The following OSBPL8 variants were observed in gnomAD, a reference collection of about 807,000 sequenced individuals.
OSBPL8 encodes the protein oxysterol binding protein like 8.
OSBPL8 carries 59 observed loss-of-function variants against 125.5 expected under a neutral mutation model. The ratio of observed to expected loss-of-function variants is 0.47; its 90% confidence interval spans 0.38 to 0.58. The LOEUF is 0.58. Ranked by LOEUF, OSBPL8 falls within the 20% of genes least tolerant of loss-of-function variation. The probability of loss-of-function intolerance (pLI) is 0.00; values close to 1 mark genes in which losing one functional copy is unlikely to be tolerated. For missense variants in OSBPL8, 758 were observed against 1,047.8 expected (o/e 0.72, Z 3.82); for synonymous variants, 330 against 338.9 (o/e 0.97, Z 0.29).
At chr12:76,502,682 G>A (rs1592802990) in intron 1 of OSBPL8, among the ~76,000 whole-genome samples, 2 of 152,330 alleles carry the variant, frequency 1.3e-5, no homozygotes, top group Middle Eastern at 3.4e-3. Context: ...GACAGGACTA[G>A]TAATCGCCTA....
At chr12:76,458,193 G>C (rs1874292056) in intron 3 of OSBPL8, among the ~76,000 whole-genome samples, 1 of 152,120 alleles carries the variant, frequency 6.6e-6, no homozygotes, top group Non-Finnish European at 1.5e-5. Context: ...GATCGCTTGA[G>C]TCTAGGAGAA....
At chr12:76,389,582 C>T in intron 12 of OSBPL8, 63 bp downstream of exon 12, 1 of 1,258,524 alleles carries the variant, frequency 7.9e-7, no homozygotes. Flanking sequence ...TTGAAAATAG[C>T]ATTCTTGAGA....
intron 3 of OSBPL8, among the ~76,000 whole-genome samples, chr12:76,453,954 C>T (rs990500817): frequency 2.0e-5 from 3 of 152,078 alleles, no homozygotes; most frequent in African/African-American, 7.2e-5. Context: ...AGATGTTCAT[C>T]CTTTTTTAGT....
intron 2 of OSBPL8, 123 bp from the exon 3 acceptor site, chr12:76,460,018 A>G (rs1874525708): frequency 4.6e-6 from 4 of 865,344 alleles, no homozygotes; most frequent in South Asian, 2.8e-5. Flanking sequence ...GTTTATAAGT[A>G]GAAAGCACAT....
chr12:76,472,117 T>TCAAGTCCTGACTC (rs1252036802), intron 2 of OSBPL8, among the ~76,000 whole-genome samples: 30 of 152,332 alleles, frequency 2.0e-4, no homozygotes, highest in African/African-American at 7.0e-4. Flanking sequence ...AGGCCTGAGT[T>TCAAGTCCTGACTC]CAAGTCCTGA....
intron 4 of OSBPL8, among the ~76,000 whole-genome samples, chr12:76,436,348 T>G (rs1871441579): frequency 6.6e-6 from 1 of 152,152 alleles, no homozygotes; most frequent in Non-Finnish European, 1.5e-5. Flanking sequence ...GTTCATTACT[T>G]CATCTAAAAA....
chr12:76,534,344 T>C (rs909519100), intron 1 of OSBPL8: 5 of 152,172 alleles, frequency 3.3e-5, no homozygotes, highest in African/African-American at 1.2e-4. Context: ...TGTTACAATT[T>C]CATTTCCTGT....
chr12:76,392,510 G>T, intron 10 of OSBPL8, 71 bp downstream of exon 10: 1 of 1,416,068 alleles, frequency 7.1e-7, no homozygotes, highest in South Asian at 1.5e-5. Flanking sequence ...TAAAATTCTA[G>T]GCCTGCCAAC....
chr12:76,457,523 C>A (rs940351425), intron 3 of OSBPL8, among the ~76,000 whole-genome samples: 1 of 151,966 alleles, frequency 6.6e-6, no homozygotes, highest in Non-Finnish European at 1.5e-5. Flanking sequence ...GAAAAATTTT[C>A]CAATATATTT....
intron 2 of OSBPL8, among the ~76,000 whole-genome samples, chr12:76,484,206 T>C (rs566475534): frequency 2.6e-4 from 39 of 152,336 alleles, no homozygotes; most frequent in Non-Finnish European, 4.4e-4. Flanking sequence ...TTACTAATTA[T>C]ACCCTGAATA....
chr12:76,369,182 A>ATACCTAGTG, intron 21 of OSBPL8, 32 bp downstream of exon 21: 1 of 1,587,546 alleles, frequency 6.3e-7, no homozygotes, highest in Non-Finnish European at 8.5e-7. Context: ...ACAGATTTAT[A>ATACCTAGTG]TACCTAGTGT....
intron 1 of OSBPL8, among the ~76,000 whole-genome samples, chr12:76,555,240 C>T (rs895306362): frequency 4.6e-5 from 7 of 152,018 alleles, no homozygotes; most frequent in African/African-American, 1.7e-4. Context: ...TCTTCAAAAA[C>T]AAATTACGTA....
At chr12:76,513,953 T>C (rs190130466) in intron 1 of OSBPL8, among the ~76,000 whole-genome samples, 16 of 152,136 alleles carry the variant, frequency 1.1e-4, no homozygotes, top group Admixed American at 9.8e-4. Context: ...TTTGATCCTG[T>C]CATTGTGTTG....
intron 1 of OSBPL8, among the ~76,000 whole-genome samples, chr12:76,533,117 T>C (rs1950393301): frequency 3.3e-5 from 5 of 152,146 alleles, no homozygotes; most frequent in Admixed American, 3.3e-4. Flanking sequence ...AAAAGTAAAA[T>C]CAATGTCAGA....
At chr12:76,409,387 T>C (rs963808421) in intron 5 of OSBPL8, among the ~76,000 whole-genome samples, 3 of 152,204 alleles carry the variant, frequency 2.0e-5, no homozygotes, top group Admixed American at 6.5e-5. Flanking sequence ...TCAACCTTTG[T>C]CCAATCATAC....
chr12:76,531,211 C>T (rs1284127952), intron 1 of OSBPL8, among the ~76,000 whole-genome samples: 1 of 152,112 alleles, frequency 6.6e-6, no homozygotes, highest in African/African-American at 2.4e-5. Flanking sequence ...ATAAAACCAC[C>T]AGAAGTGCTT....
intron 4 of OSBPL8, among the ~76,000 whole-genome samples, chr12:76,435,066 T>C (rs76825869): frequency 1.8e-3 from 275 of 152,284 alleles, no homozygotes; most frequent in African/African-American, 6.3e-3. Context: ...ATGCTCACTA[T>C]AGCATTACTC....
intron 2 of OSBPL8, among the ~76,000 whole-genome samples, chr12:76,485,082 G>A (rs1246579480): frequency 2.0e-5 from 3 of 151,720 alleles, no homozygotes; most frequent in African/African-American, 2.4e-5. Context: ...CACCACGTCC[G>A]GCTAATTTTT....
At position 76,445,881 on chromosome 12, in the gene OSBPL8, T is replaced by C. The variant is rs949471268; in HGVS notation, c.217+4970A>G. 3.3e-5 allele frequency among the ~76,000 whole-genome samples: 5 copies of C among 152,254 alleles called. No individual in the cohort carries two copies. In the South Asian group the frequency reaches 6.2e-4, roughly 19 times the overall value. ...CCCCAAAAAATATATCTCCAAAGCATTGTATACATAATGGAATTCTATCAA... is the reference window on the plus strand; with the variant it reads ...CCCCAAAAAATATATCTCCAAAGCACTGTATACATAATGGAATTCTATCAA... On this transcript the variant is annotated intron_variant, in intron 4 of 23. Coordinates refer to ENST00000261183, the MANE Select transcript of OSBPL8 (RefSeq NM_020841.5).
Sources: gnomAD v4.1 joint callset for allele counts (sites outside exome capture counted in the v4.1 genomes callset) on GRCh38, gnomAD v4.1.1 for gene constraint, MANE v1.5 for transcripts, NCBI Gene and HGNC (gene_info 2026-07-23, HGNC 2026-07-21) for gene names.